SUN2: variants seen among roughly 807,000 people sequenced by gnomAD.
The protein encoded by SUN2 is SUN domain-containing protein 2.
Under a neutral mutation model 100.0 loss-of-function variants are expected in SUN2, and 60 were observed. The observed-to-expected ratio is 0.60, with a 90% CI of 0.49 to 0.74. The LOEUF is 0.74. Among genes scored for constraint, SUN2 ranks in the 30% least tolerant of loss-of-function variants. SUN2 has a pLI of 0.00. For missense variants in SUN2, 834 were observed against 954.6 expected, an observed-to-expected ratio of 0.87 and a Z score of 1.66; for synonymous variants, 367 against 403.3, an observed-to-expected ratio of 0.91 and a Z score of 1.08.
rs1289928382 is a variant in SUN2, at chr22:38,750,997, C to A, written c.325G>T (p.Gly109Cys). The A allele has an allele frequency of 6.2e-7, 1 of 1,613,616 alleles. No homozygotes were observed. Among genetic ancestry groups the A allele is most frequent in the Non-Finnish European group, 8.5e-7 (1 of 1,179,956 alleles). Residue 109 changes from glycine to cysteine, a missense_variant, in exon 4 of 18, where the codon GGC becomes TGC. Gly to Cys is a radical substitution (Grantham distance 159, BLOSUM62 -3). Transcript: ENST00000689035. ...CCGCTGGCCCTGCTGCTCTCTGAGC[C>A]ACCCGTGCCTCTCCTCCTCCGCACC... ...LRVRRRRGTG[G>C]SESSRASGLV...
Position 38,750,285 on chromosome 22 carries a change from G to C in SUN2, c.460C>G (p.Arg154Gly). The C allele has an allele frequency of 6.2e-7, 1 of 1,613,844 alleles. No homozygotes were observed. The highest frequency in any genetic ancestry group is 1.1e-5 in the South Asian group (1 of 91,088). Reference protein sequence around the residue: ...SDVDQQSSSSRLRSAVSRAGS... With the variant: ...SDVDQQSSSSGLRSAVSRAGS... ...GCCCGTGAGACGGCGCTTCGGAGCC[G>C]CGAGCTGGAACTCTGCTGGTCCACA... is the stretch of plus-strand genomic sequence containing the variant. The change falls in exon 5 of 18, where the codon CGG (arginine) becomes GGG (glycine). Residue 154 changes from arginine (R) to glycine (G), a missense_variant. By Grantham distance (125) the Arg-to-Gly change is moderately radical. Transcript: ENST00000689035.
rs2092848508 is a variant in SUN2, at chr22:38,740,618, A to G, written c.1191-186T>C. The G allele has an allele frequency of 4.9e-6, 3 of 609,564 alleles. No individual in the cohort carries two copies. The highest frequency in any genetic ancestry group is 5.9e-5 in the East Asian group (2 of 33,670). 37.8% of individuals were successfully genotyped at this position (609,564 alleles called of 1,614,324 possible). A position where few individuals can be genotyped will look rare whatever the true frequency, so the allele number is the denominator to read the frequency against. ...GGCTGCAGAACCCCTGCCTGTCCCAAGGAGCTAATTCTGAGCCTGCTCCCT... is the reference window on the plus strand; with the variant it reads ...GGCTGCAGAACCCCTGCCTGTCCCAGGGAGCTAATTCTGAGCCTGCTCCCT... On this transcript the variant is annotated intron_variant, in intron 11 of 17. Transcript: ENST00000689035. This position sits in a 1 kb window ranked among gnomAD's most constrained non-coding sequence, Gnocchi z 4.8.
chr22:38,751,334 G>A lies in SUN2; in HGVS notation c.162C>T (p.Ser54=). The A allele has an allele frequency of 1.9e-6, 3 of 1,614,020 alleles. No homozygotes were observed. The South Asian group carries it at 3.3e-5, about 18-fold the overall frequency. Residue 54 remains serine (S), a synonymous_variant, in exon 3 of 18, where the codon TCC becomes TCT. Coordinates refer to ENST00000689035, the MANE Select transcript of SUN2 (RefSeq NM_015374.3). The part of the protein sequence containing the change: ...KRKSSNMKRL[S]PAPQLGPSSD... ...AGGACGGGCCCAGCTGTGGCGCTGG[G>A]GACAGGCGCTTCATGTTGCTGGATT...
chr22:38,738,435 G>C lies in SUN2; in HGVS notation c.1947+152C>G, dbSNP rs557976056. 273 of 1,173,734 alleles carry C rather than the reference G, an allele frequency of 2.3e-4. 8 individuals are homozygous for C. In the South Asian group the frequency reaches 3.8e-3, roughly 16 times the overall value. 72.7% of individuals were successfully genotyped at this position (1,173,734 alleles called of 1,614,324 possible). A position where few individuals can be genotyped will look rare whatever the true frequency, so the allele number is the denominator to read the frequency against. Reference sequence around the variant, plus strand: ...TGCCTCCAAAGCCTAAGGTAACAGGGACTGAAGTGCTGTCTCCCACCCTAG... The same window carrying C: ...TGCCTCCAAAGCCTAAGGTAACAGGCACTGAAGTGCTGTCTCCCACCCTAG... On this transcript the variant is annotated intron_variant, in intron 16 of 17. Coordinates refer to ENST00000689035, the MANE Select transcript of SUN2 (RefSeq NM_015374.3). This position sits in a 1 kb window ranked among gnomAD's most constrained non-coding sequence, Gnocchi z 6.6.
chr22:38,745,289 C>A, intron 8 of SUN2: 1 of 435,510 alleles, frequency 2.3e-6, no homozygotes, highest in South Asian at 1.7e-5. Flanking sequence ...TCCACACAGG[C>A]AAGTACGAGC....
At position 38,750,377 on chromosome 22, in the gene SUN2, C is replaced by G. The variant is rs113013759; in HGVS notation, c.425-57G>C. 4.1e-4 allele frequency: 657 copies of G among 1,603,322 alleles called. 2 individuals carry two copies. In the African/African-American group the frequency reaches 7.3e-3, roughly 18 times the overall value. On this transcript the variant is annotated intron_variant, in intron 4 of 17. Transcript: ENST00000689035. ...TGTCACTTTCGAGCCTCTTCCTTCACTGTCTTCTGTGAGCCAAGACCACAA... is the reference window on the plus strand; with the variant it reads ...TGTCACTTTCGAGCCTCTTCCTTCAGTGTCTTCTGTGAGCCAAGACCACAA...
intron 2 of SUN2, among the ~76,000 whole-genome samples, chr22:38,752,123 T>C (rs150596722): frequency 0.019 from 2,933 of 152,282 alleles, 99 homozygotes; most frequent in African/African-American, 0.068. Flanking sequence ...TACAGCTGCC[T>C]GCCACCATGC....
Position 38,751,369 on chromosome 22 carries a change from A to G in SUN2, c.127T>C (p.Leu43=). 10 of 1,613,566 alleles carry G rather than the reference A, an allele frequency of 6.2e-6. No homozygotes were observed. Among genetic ancestry groups the G allele is most frequent in the South Asian group, 3.3e-5 (3 of 91,086 alleles). Residue 43 remains leucine (L), a synonymous_variant, in exon 3 of 18, where the codon TTG becomes CTG. Coordinates refer to ENST00000689035, the MANE Select transcript of SUN2 (RefSeq NM_015374.3). ...TTCATGTTGCTGGATTTCCTCTTCA[A>G]GGTCCTGTGGGACAACCATGAGGGC... The part of the protein sequence containing the change: ...TLFKDSPLRT[L]KRKSSNMKRL...
chr22:38,751,386 C>G lies in SUN2; in HGVS notation c.123-13G>C. 1.2e-6 allele frequency: 2 copies of G among 1,612,858 alleles called. No individual in the cohort carries two copies. The highest frequency in any genetic ancestry group is 1.7e-6 in the Non-Finnish European group (2 of 1,179,932). ...CCTCTTCAAGGTCCTGTGGGACAAC[C>G]ATGAGGGCAGAGGTAGGGAGCAGGG... On this transcript the variant is annotated splice_polypyrimidine_tract_variant and intron_variant, in intron 2 of 17. Coordinates refer to ENST00000689035, the MANE Select transcript of SUN2 (RefSeq NM_015374.3).
In SUN2 at chr22:38,736,173, T is replaced by C. The variant is rs761834197; in HGVS notation, c.*94A>G. 6 of 1,218,312 alleles carry C rather than the reference T, an allele frequency of 4.9e-6. No homozygotes were observed. The East Asian group carries it at 1.2e-4, about 24-fold the overall frequency. The allele number at this position is 1,218,312 out of a possible 1,614,324, so 75.5% of individuals were successfully genotyped here. A position where few individuals can be genotyped will look rare whatever the true frequency, so the allele number is the denominator to read the frequency against. On this transcript the variant is annotated 3_prime_UTR_variant, in exon 18 of 18. Transcript: ENST00000689035. ...GCCACAGGCTCCTCTCTTGTGCTCC[T>C]AGAAGTCAGAGCGCCGAGCAAGCGT...
At position 38,751,230 on chromosome 22, in the gene SUN2, A is replaced by T; in HGVS notation, c.266T>A (p.Leu89Gln). The change falls in exon 3 of 18, where the codon CTG (leucine) becomes CAG (glutamine). Residue 89 changes from leucine to glutamine, a missense_variant. Coordinates refer to ENST00000689035, the MANE Select transcript of SUN2 (RefSeq NM_015374.3). ...CTCACCCCAGTTGGCGTCACCATGC[A>T]GTTCCTCCAGGGAGCTCCTGGGTGG... ...WFPPRSSLEE[L>Q]HGDANWGEDL... is the part of the protein sequence containing the mutation. 6.2e-7 allele frequency: 1 copy of T among 1,613,042 alleles called. No individual in the cohort carries two copies. The highest frequency in any genetic ancestry group is 8.5e-7 in the Non-Finnish European group (1 of 1,179,150).
chr22:38,741,805 G>A lies in SUN2; in HGVS notation c.1069-234C>T, dbSNP rs186254776. Among the ~76,000 whole-genome samples the A allele has an allele frequency of 3.5e-4, 53 of 152,314 alleles. No homozygotes were observed. The East Asian group carries it at 8.1e-3, about 23-fold the overall frequency. ...CACAGCTCACTATGGGGGTGGGGGA[G>A]ACACGATGGCCTCCATCAAAGAGCA... is the stretch of plus-strand genomic sequence containing the variant. On this transcript the variant is annotated intron_variant, in intron 9 of 17. Coordinates refer to ENST00000689035, the MANE Select transcript of SUN2 (RefSeq NM_015374.3).
In SUN2 at chr22:38,740,909, C is replaced by A; in HGVS notation, c.1190+98G>T. The A allele has an allele frequency of 7.6e-7, 1 of 1,319,386 alleles. No individual in the cohort carries two copies. The highest frequency in any genetic ancestry group is 1.3e-5 in the South Asian group (1 of 79,376). 81.7% of individuals were successfully genotyped at this position (1,319,386 alleles called of 1,614,324 possible). A position where few individuals can be genotyped will look rare whatever the true frequency, so the allele number is the denominator to read the frequency against. Reference sequence around the variant, plus strand: ...CCTACCATCTGCTTGGCAAGATGATCAGAACTCTCTGCTCTGCGGCTCTGC... The same window carrying A: ...CCTACCATCTGCTTGGCAAGATGATAAGAACTCTCTGCTCTGCGGCTCTGC... On this transcript the variant is annotated intron_variant, in intron 11 of 17. Coordinates refer to ENST00000689035, the MANE Select transcript of SUN2 (RefSeq NM_015374.3). The surrounding 1 kb of genome is among the most constrained non-coding windows in gnomAD (Gnocchi z 4.8).
At position 38,754,934 on chromosome 22, in the gene SUN2, G is replaced by C. The variant is rs561582753; in HGVS notation, c.-38+829C>G. 1,729 of 1,289,318 alleles carry C rather than the reference G, an allele frequency of 1.3e-3. 43 individuals carry two copies. The South Asian group carries it at 0.02, about 15-fold the overall frequency. 79.9% of individuals were successfully genotyped at this position (1,289,318 alleles called of 1,614,324 possible). A position where few individuals can be genotyped will look rare whatever the true frequency, so the allele number is the denominator to read the frequency against. ...GGTTTCACAAGATGAAAAAGGTCGA[G>C]GCCCCATTCTCCAAAACAAGAAGTG... is the stretch of plus-strand genomic sequence containing the variant. On this transcript the variant is annotated intron_variant, in intron 1 of 17. Transcript: ENST00000689035.
intron 5 of SUN2, 64 bp downstream of exon 5, chr22:38,750,161 G>C: frequency 1.3e-6 from 2 of 1,576,640 alleles, no homozygotes; most frequent in South Asian, 2.3e-5. Context: ...CCCAACTGCA[G>C]AGAGATGGGT....
At chr22:38,744,399 A>G (rs1357664636) in intron 8 of SUN2, among the ~76,000 whole-genome samples, 2 of 151,984 alleles carry the variant, frequency 1.3e-5, no homozygotes, top group African/African-American at 4.8e-5. Flanking sequence ...CAACATAGTG[A>G]GACCCTGTCT....
chr22:38,749,444 A>G (rs567034043), intron 6 of SUN2, among the ~76,000 whole-genome samples: 9 of 152,322 alleles, frequency 5.9e-5, no homozygotes, highest in Non-Finnish European at 8.8e-5. Context: ...CCTACCCTGC[A>G]GGAGGAAAGC....
chr22:38,737,654 G>A lies in SUN2; in HGVS notation c.2040+519C>T, dbSNP rs9611015. 0.1 allele frequency: 34,876 copies of A among 340,966 alleles called. 2,199 individuals carry two copies. Among genetic ancestry groups the A allele is most frequent in the East Asian group, 0.17 (2,191 of 12,678 alleles). The allele number at this position is 340,966 out of a possible 1,614,324, so 21.1% of individuals were successfully genotyped here. A position where few individuals can be genotyped will look rare whatever the true frequency, so the allele number is the denominator to read the frequency against. ...CAATTCCTCACTCCAGGACTCCCCC[G>A]GTGTGGGGCTTAGGCCAATGGTTTG... On this transcript the variant is annotated intron_variant, in intron 17 of 17. Coordinates refer to ENST00000689035, the MANE Select transcript of SUN2 (RefSeq NM_015374.3). This position sits in a 1 kb window ranked among gnomAD's most constrained non-coding sequence, Gnocchi z 4.1.
intron 8 of SUN2, chr22:38,743,682 GA>G (rs1439515010): frequency 3.3e-5 from 5 of 151,584 alleles, no homozygotes; most frequent in African/African-American, 1.2e-4. Context: ...CCCAGACCAG[GA>G]AGCTGTTTTT....
Sources: gnomAD v4.1 joint callset for allele counts (sites outside exome capture counted in the v4.1 genomes callset) on GRCh38, gnomAD v4.1.1 for gene constraint, Gnocchi (gnomAD v3.1) non-coding constraint, MANE v1.5 for transcripts, NCBI Gene and HGNC (gene_info 2026-07-23, HGNC 2026-07-21) for gene names.